TMEM183A: variants seen among roughly 807,000 people sequenced by gnomAD.
TMEM183A encodes the protein chromosome 1 open reading frame 37.
A neutral mutation model predicts 46.7 loss-of-function variants in TMEM183A; 21 were observed. That is an observed-to-expected ratio of 0.45 (90% CI 0.32 to 0.65). The LOEUF is 0.65. Among genes scored for constraint, TMEM183A ranks in the 30% least tolerant of loss-of-function variants. TMEM183A has a pLI of 0.04. For missense variants in TMEM183A, 331 were observed against 481.9 expected, an observed-to-expected ratio of 0.69 and a Z score of 2.93; for synonymous variants, 165 against 180.2, an observed-to-expected ratio of 0.92 and a Z score of 0.68.
rs547083962 is a variant in TMEM183A, at chr1:203,023,101, G to A, written c.*61G>A. On this transcript the variant is annotated 3_prime_UTR_variant, in exon 8 of 8. Transcript: ENST00000367242. ...GTAGTCCATTAGTAATCAGATTCCA[G>A]TTTGGACAGGGTGGCTGGATTGTAT... The A allele has an allele frequency of 2.2e-5, 22 of 978,508 alleles. No homozygotes were observed. The African/African-American group carries it at 3.0e-4, about 13-fold the overall frequency. The allele number at this position is 978,508 out of a possible 1,614,324, so 60.6% of individuals were successfully genotyped here. A position where few individuals can be genotyped will look rare whatever the true frequency, so the allele number is the denominator to read the frequency against.
rs111906628 is a variant in TMEM183A, at chr1:203,024,480, A to ATTTTTTTTTTTTTTT, written c.*1445_*1446insTTTTTTTTTTTTTTT. 3 of 143,278 alleles carry ATTTTTTTTTTTTTTT rather than the reference A, an allele frequency of 2.1e-5. No individual in the cohort carries two copies. Among genetic ancestry groups the ATTTTTTTTTTTTTTT allele is most frequent in the African/African-American group, 5.1e-5 (2 of 39,268 alleles). The allele number at this position is 143,278 out of a possible 1,614,324, so 8.9% of individuals were successfully genotyped here. On this transcript the variant is annotated 3_prime_UTR_variant, in exon 8 of 8. Transcript: ENST00000367242. ...TTGTGAGGCAAACTGCTAAATTCAC[A>ATTTTTTTTTTTTTTT]TTTTTGTTTTTTTTTTTTTACCATC...
intron 5 of TMEM183A, 96 bp downstream of exon 5, chr1:203,016,236 G>A: frequency 1.3e-6 from 2 of 1,559,312 alleles, no homozygotes; most frequent in Non-Finnish European, 1.8e-6. Flanking sequence ...GGGGAGGGGT[G>A]TAGGTCCCAG....
chr1:203,011,513 T>G (rs1656579044), intron 3 of TMEM183A, among the ~76,000 whole-genome samples: 1 of 152,144 alleles, frequency 6.6e-6, no homozygotes, highest in African/African-American at 2.4e-5. Context: ...TTCAAGCGAT[T>G]CTCCTACCTC....
chr1:203,008,936 C>A, intron 3 of TMEM183A, 126 bp downstream of exon 3: 1 of 1,036,066 alleles, frequency 9.7e-7, no homozygotes, highest in Non-Finnish European at 1.3e-6. Flanking sequence ...GAAAACTTGG[C>A]TCTCCCTAAG....
chr1:203,020,240 T>C (rs908819195), intron 6 of TMEM183A, among the ~76,000 whole-genome samples: 1 of 152,230 alleles, frequency 6.6e-6, no homozygotes, highest in Non-Finnish European at 1.5e-5. Context: ...ATCTGCACAG[T>C]CTGTGATATC....
At chr1:203,019,342 G>A (rs1352913735) in intron 6 of TMEM183A, among the ~76,000 whole-genome samples, 1 of 152,184 alleles carries the variant, frequency 6.6e-6, no homozygotes, top group East Asian at 1.9e-4. Context: ...ACTGCAAAGA[G>A]TAAATCTTGA....
chr1:203,017,999 C>T, intron 5 of TMEM183A: 1 of 968,658 alleles, frequency 1.0e-6, no homozygotes, highest in Non-Finnish European at 1.2e-6. Flanking sequence ...TTCAGCCTAG[C>T]TCTGTAGTTT....
chr1:203,007,956 C>T (rs1656142318), intron 2 of TMEM183A, 93 bp downstream of exon 2: 6 of 1,492,486 alleles, frequency 4.0e-6, no homozygotes, highest in African/African-American at 1.4e-5. Context: ...AGTCGTCTTC[C>T]TGTAACCGTG....
chr1:203,008,917 G>A, intron 3 of TMEM183A, 107 bp downstream of exon 3: 1 of 1,210,650 alleles, frequency 8.3e-7, no homozygotes, highest in Non-Finnish European at 1.1e-6. Flanking sequence ...GATACCAGGA[G>A]AGTTTAAAGA....
At chr1:203,015,668 G>C (rs1439869999) in intron 4 of TMEM183A, 1 of 354,134 alleles carries the variant, frequency 2.8e-6, no homozygotes, top group Non-Finnish European at 5.2e-6. Flanking sequence ...GTTCCTCCAG[G>C]ACAGGTTCTT....
chr1:203,024,667 A>G lies in TMEM183A; in HGVS notation c.*1627A>G, dbSNP rs151029221. 7.2e-5 allele frequency: 11 copies of G among 152,306 alleles called. No individual in the cohort carries two copies. In the East Asian group the frequency reaches 1.5e-3, roughly 21 times the overall value. The allele number at this position is 152,306 out of a possible 1,614,324, so 9.4% of individuals were successfully genotyped here. On this transcript the variant is annotated 3_prime_UTR_variant, in exon 8 of 8. Transcript: ENST00000367242. ...AGTGATAACAGACAACCTAAGGACA[A>G]TGAGCACTTTGCAGATCTCTACAAT... is the stretch of plus-strand genomic sequence containing the variant.
At chr1:203,007,945 T>G in intron 2 of TMEM183A, 82 bp downstream of exon 2, 1 of 1,544,034 alleles carries the variant, frequency 6.5e-7, no homozygotes, top group Non-Finnish European at 8.8e-7. Context: ...TGCAGTCCTT[T>G]AGTCGTCTTC....
At chr1:203,015,754 C>G in intron 4 of TMEM183A, 1 of 608,680 alleles carries the variant, frequency 1.6e-6, no homozygotes, top group East Asian at 2.9e-5. Context: ...GTGAGGACTT[C>G]AACTTTAAAA....
chr1:203,007,900 G>A (rs2102527051), intron 2 of TMEM183A, 37 bp downstream of exon 2: 3 of 1,612,168 alleles, frequency 1.9e-6, no homozygotes, highest in Non-Finnish European at 2.5e-6. Context: ...CTCATGCCGC[G>A]AAGACAGAAC....
intron 7 of TMEM183A, 29 bp from the exon 8 acceptor site, chr1:203,022,826 T>G: frequency 6.2e-7 from 1 of 1,613,854 alleles, no homozygotes; most frequent in Non-Finnish European, 8.5e-7. Context: ...TTGTGTAAGT[T>G]GGATACTGAA....
At chr1:203,017,269 C>T (rs537425449) in intron 5 of TMEM183A, among the ~76,000 whole-genome samples, 1 of 152,148 alleles carries the variant, frequency 6.6e-6, no homozygotes, top group South Asian at 2.1e-4. Context: ...TCCCCCAAAA[C>T]ATTTGATAGT....
intron 5 of TMEM183A, 95 bp from the exon 6 acceptor site, chr1:203,018,384 CAA>C: frequency 7.0e-7 from 1 of 1,424,544 alleles, no homozygotes. Flanking sequence ...TTAGAGCTGT[CAA>C]ACAGAAAGGT....
intron 6 of TMEM183A, 113 bp from the exon 7 acceptor site, chr1:203,020,680 G>A (rs1657575179): frequency 7.6e-7 from 1 of 1,311,638 alleles, no homozygotes; most frequent in Admixed American, 2.2e-5. Context: ...AAAGAGAGAA[G>A]ATAAAAGTGT....
chr1:203,015,308 A>G, intron 4 of TMEM183A: 2 of 508,542 alleles, frequency 3.9e-6, no homozygotes, highest in East Asian at 3.4e-5. Context: ...CAAGTCCCAG[A>G]TAGAAGAGTC....
Sources: gnomAD v4.1 joint callset for allele counts (sites outside exome capture counted in the v4.1 genomes callset) on GRCh38, gnomAD v4.1.1 for gene constraint, MANE v1.5 for transcripts, NCBI Gene and HGNC (gene_info 2026-07-23, HGNC 2026-07-21) for gene names.